PALLD: variants seen among roughly 807,000 people sequenced by gnomAD.
PALLD encodes palladin, cytoskeletal associated protein, also known as palladin.
Under a neutral mutation model 123.5 loss-of-function variants are expected in PALLD, and 61 were observed. The observed-to-expected ratio is 0.49, with a 90% CI of 0.40 to 0.61. The LOEUF (loss-of-function observed/expected upper bound fraction) is 0.61, where lower values mean the gene tolerates loss of function less well. PALLD is among the 20% of genes least tolerant of loss of function. The pLI, the probability that PALLD is intolerant of heterozygous loss-of-function variation, is 0.00. For missense variants in PALLD, 1,273 were observed against 1,377.0 expected (o/e 0.92, Z 1.20); for synonymous variants, 465 against 496.4 (o/e 0.94, Z 0.84).
chr4:168,541,975 G>A (rs929957803), intron 2 of PALLD, among the ~76,000 whole-genome samples: 2 of 152,158 alleles, frequency 1.3e-5, no homozygotes, highest in East Asian at 1.9e-4. Context: ...CATTTGAGTT[G>A]CAGAGGTGAG....
intron 10 of PALLD, among the ~76,000 whole-genome samples, chr4:168,721,947 C>T (rs894431318): frequency 3.9e-5 from 6 of 152,144 alleles, no homozygotes; most frequent in Admixed American, 1.3e-4. Flanking sequence ...CACTGTTTTC[C>T]AACAACACCT....
intron 2 of PALLD, among the ~76,000 whole-genome samples, chr4:168,664,980 T>A (rs1235639110): frequency 6.6e-6 from 1 of 152,320 alleles, no homozygotes; most frequent in South Asian, 2.1e-4. Context: ...AGGTTCCTCA[T>A]CTGTATGAAG....
intron 2 of PALLD, among the ~76,000 whole-genome samples, chr4:168,593,349 C>A (rs1162458179): frequency 6.6e-6 from 1 of 150,800 alleles, no homozygotes; most frequent in Non-Finnish European, 1.5e-5. Context: ...GGAAGAGAGA[C>A]CTCTCAGCTC....
chr4:168,835,216 G>C (rs1278092678), intron 10 of PALLD, among the ~76,000 whole-genome samples: 1 of 152,112 alleles, frequency 6.6e-6, no homozygotes, highest in Non-Finnish European at 1.5e-5. Flanking sequence ...TATTTCAAGA[G>C]ATCCGGATAA....
Position 168,653,693 on chromosome 4 carries a change from C to CTTGT in PALLD, c.909-14482_909-14479dup, listed in dbSNP as rs201907919. Among the ~76,000 whole-genome samples the CTTGT allele has an allele frequency of 6.6e-4, 101 of 152,194 alleles. 1 individual carries two copies. The highest frequency in any genetic ancestry group is 1.3e-3 in the African/African-American group (54 of 41,506). On this transcript the variant is annotated intron_variant, in intron 2 of 21. Transcript: ENST00000505667. ...AAACACGTATAGTCATTATCGTTTGCTTGTTTGTTTGTTTGTTTCTTTCTT... is the reference window on the plus strand; with the variant it reads ...AAACACGTATAGTCATTATCGTTTGCTTGTTTGTTTGTTTGTTTGTTTCTTTCTT...
chr4:168,680,926 G>C (rs1276235930), intron 3 of PALLD, among the ~76,000 whole-genome samples: 1 of 152,122 alleles, frequency 6.6e-6, no homozygotes, highest in Non-Finnish European at 1.5e-5. Context: ...TTTTACCCAG[G>C]AGCCAGAAAG....
intron 12 of PALLD, among the ~76,000 whole-genome samples, chr4:168,896,223 A>AC (rs1301333216): frequency 6.6e-6 from 1 of 151,922 alleles, no homozygotes; most frequent in Non-Finnish European, 1.5e-5. Flanking sequence ...AAAAAAAAAA[A>AC]AGTGCATTTA....
intron 3 of PALLD, among the ~76,000 whole-genome samples, chr4:168,679,097 GT>G (rs1327816875): frequency 7.6e-6 from 1 of 131,108 alleles, no homozygotes; most frequent in Non-Finnish European, 1.6e-5. Context: ...TGTTTGGGGT[GT>G]TTATGGTGGG....
chr4:168,630,033 T>C (rs536051299), intron 2 of PALLD, among the ~76,000 whole-genome samples: 1 of 152,358 alleles, frequency 6.6e-6, no homozygotes, highest in Admixed American at 6.5e-5. Flanking sequence ...TCTGCGCTCA[T>C]GGTGATCATA....
intron 10 of PALLD, among the ~76,000 whole-genome samples, chr4:168,797,881 C>G (rs983592722): frequency 1.3e-5 from 2 of 151,382 alleles, no homozygotes; most frequent in African/African-American, 4.9e-5. Flanking sequence ...GCATATTTCC[C>G]CCTGTATATT....
chr4:168,557,667 A>G (rs890472806), intron 2 of PALLD, among the ~76,000 whole-genome samples: 1 of 152,094 alleles, frequency 6.6e-6, no homozygotes, highest in Non-Finnish European at 1.5e-5. Context: ...GACACTATCC[A>G]CTGTTACGTA....
chr4:168,754,420 G>A (rs966975690), intron 10 of PALLD, among the ~76,000 whole-genome samples: 4 of 152,202 alleles, frequency 2.6e-5, no homozygotes, highest in Non-Finnish European at 5.9e-5. Context: ...GTGGATGCAA[G>A]TTCCTCAGTG....
rs143301853 is a variant in PALLD, at chr4:168,542,157, A to G, written c.908+29745A>G. On this transcript the variant is annotated intron_variant, in intron 2 of 21. Transcript: ENST00000505667. ...CAAGTGAGAAAACTGAGGCACAGCA[A>G]GGATAAGTAATGTGTCAGTCACCCA... is the stretch of plus-strand genomic sequence containing the variant. 9.8e-5 allele frequency among the ~76,000 whole-genome samples: 15 copies of G among 152,306 alleles called. No individual in the cohort carries two copies. The East Asian group carries it at 2.9e-3, about 29-fold the overall frequency.
intron 3 of PALLD, 119 bp downstream of exon 3, chr4:168,668,487 A>C: frequency 1.3e-6 from 1 of 759,458 alleles, no homozygotes; most frequent in Non-Finnish European, 2.0e-6. Context: ...TTCTAATTCA[A>C]ACTTCATTTC....
At chr4:168,514,137 G>C (rs9312331) in intron 2 of PALLD, among the ~76,000 whole-genome samples, 93,509 of 151,820 alleles carry the variant, frequency 0.62, 29,158 homozygotes, top group East Asian at 0.76. Context: ...AAAGTTAACT[G>C]AAAATTATTT....
At chr4:168,831,949 C>G (rs1744270417) in intron 10 of PALLD, 2 of 947,984 alleles carry the variant, frequency 2.1e-6, no homozygotes, top group African/African-American at 3.5e-5. Flanking sequence ...CTGGGGGCCG[C>G]GTCCCAGAGC....
chr4:168,840,085 G>T (rs1745819427), intron 10 of PALLD, among the ~76,000 whole-genome samples: 1 of 152,002 alleles, frequency 6.6e-6, no homozygotes, highest in Non-Finnish European at 1.5e-5. Context: ...ATAAATGGAT[G>T]TATTTGTGTG....
At position 168,885,970 on chromosome 4, in the gene PALLD, A is replaced by G. The variant is rs562390486; in HGVS notation, c.1965-4952A>G. ...ACCACCTATGTATGTATGTACAAAC[A>G]TAAATTAGTCCAAATTCTAATTTTC... On this transcript the variant is annotated intron_variant, in intron 10 of 21. Transcript: ENST00000505667. Among the ~76,000 whole-genome samples the G allele has an allele frequency of 3.9e-5, 6 of 152,382 alleles. No individual in the cohort carries two copies. The East Asian group carries it at 1.2e-3, about 29-fold the overall frequency.
intron 2 of PALLD, among the ~76,000 whole-genome samples, chr4:168,514,070 T>C (rs1762774501): frequency 6.6e-6 from 1 of 151,622 alleles, no homozygotes; most frequent in South Asian, 2.1e-4. Flanking sequence ...CATATCACTG[T>C]ACTCCACTCC....
Sources: allele counts gnomAD v4.1 joint callset (sites outside exome capture counted in the v4.1 genomes callset), GRCh38; gene constraint gnomAD v4.1.1; transcripts MANE v1.5; gene names NCBI Gene and HGNC (gene_info 2026-07-23, HGNC 2026-07-21).